The following CLEC16A variants were observed in gnomAD, a reference collection of about 807,000 sequenced individuals.
CLEC16A encodes the protein C-type lectin domain containing 16A.
CLEC16A carries 51 observed loss-of-function variants against 109.5 expected under a neutral mutation model. That is an observed-to-expected ratio of 0.47 (90% CI 0.37 to 0.59). The LOEUF is 0.59. Among genes scored for constraint, CLEC16A ranks in the 20% least tolerant of loss-of-function variants. The pLI, the probability that CLEC16A is intolerant of heterozygous loss-of-function variation, is 0.00. For synonymous variants in CLEC16A, 673 were observed against 564.2 expected, an observed-to-expected ratio of 1.19 and a Z score of -2.73; for missense variants, 1,339 against 1,394.0, an observed-to-expected ratio of 0.96 and a Z score of 0.63.
chr16:10,962,563 G>C lies in CLEC16A; in HGVS notation c.318G>C (p.Glu106Asp). 6.2e-7 allele frequency: 1 copy of C among 1,613,880 alleles called. No homozygotes were observed. Among genetic ancestry groups the C allele is most frequent in the Non-Finnish European group, 8.5e-7 (1 of 1,179,844 alleles). The change falls in exon 3 of 24, where the codon GAG (glutamate) becomes GAC (aspartate). Residue 106 changes from glutamate (E) to aspartate (D), a missense_variant. Glu to Asp is a conservative substitution (Grantham distance 45). This residue lies in a region of CLEC16A where 161 missense variants were observed against 267.1 expected (regional missense o/e 0.60). Transcript: ENST00000409790. ...TGCAGACCTTGAACATCCTCTTTGA[G>C]AACATCAGTCACGAGACCTCACTTT... ...QLLQTLNILF[E>D]NISHETSLYY...
chr16:11,163,609 C>G (rs1035130253), intron 22 of CLEC16A, among the ~76,000 whole-genome samples: 2 of 152,248 alleles, frequency 1.3e-5, no homozygotes, highest in African/African-American at 2.4e-5. Flanking sequence ...AGCTTCTCAT[C>G]TGCTACCCTA....
chr16:10,960,490 A>C (rs1376712532), intron 2 of CLEC16A, among the ~76,000 whole-genome samples: 2 of 152,188 alleles, frequency 1.3e-5, no homozygotes, highest in African/African-American at 2.4e-5. Flanking sequence ...CATCATCACA[A>C]GGCATTCACA....
chr16:11,150,948 G>A lies in CLEC16A; in HGVS notation c.2642-15440G>A, dbSNP rs1490566317. 3.3e-5 allele frequency among the ~76,000 whole-genome samples: 5 copies of A among 152,226 alleles called. No individual in the cohort carries two copies. In the East Asian group the frequency reaches 5.8e-4, roughly 18 times the overall value. On this transcript the variant is annotated intron_variant, in intron 22 of 23. Coordinates refer to ENST00000409790, the MANE Select transcript of CLEC16A (RefSeq NM_015226.3). ...ATGTTCTACCTGTGTGAAAATCTGC[G>A]TCCAAATTTTCATTTTTTAGGAGGC...
chr16:10,945,008 G>C (rs1323450553), intron 1 of CLEC16A, among the ~76,000 whole-genome samples: 2 of 152,162 alleles, frequency 1.3e-5, no homozygotes, highest in Non-Finnish European at 2.9e-5. Flanking sequence ...TGGACAAGTC[G>C]CTTAATTTCT....
intron 19 of CLEC16A, among the ~76,000 whole-genome samples, chr16:11,088,659 C>T (rs781340560): frequency 2.0e-5 from 3 of 152,122 alleles, no homozygotes; most frequent in Admixed American, 6.5e-5. Flanking sequence ...CTGTGATGTG[C>T]GGCTAGAGGC....
chr16:10,969,454 C>T (rs2042674095), intron 4 of CLEC16A, 145 bp downstream of exon 4: 5 of 569,920 alleles, frequency 8.8e-6, no homozygotes, highest in Non-Finnish European at 1.4e-5. Context: ...CATGGCAACA[C>T]TTTTGACTTT....
chr16:10,999,883 C>T (rs2044562343), intron 10 of CLEC16A, among the ~76,000 whole-genome samples: 1 of 152,226 alleles, frequency 6.6e-6, no homozygotes, highest in African/African-American at 2.4e-5. Context: ...TGTGCCCAGG[C>T]TGGAGTGCGG....
intron 12 of CLEC16A, chr16:11,024,619 G>T: frequency 2.0e-6 from 1 of 508,330 alleles, no homozygotes; most frequent in Non-Finnish European, 3.6e-6. Flanking sequence ...CCTTGGTCAG[G>T]TTCCCCTCTG....
chr16:11,120,905 T>G (rs2052362213), intron 20 of CLEC16A, 139 bp downstream of exon 20: 4 of 957,400 alleles, frequency 4.2e-6, no homozygotes, highest in Admixed American at 4.2e-5. Context: ...GTGAACAAAT[T>G]GTCACCCAAA....
At chr16:10,982,649 C>A (rs1254464764) in intron 9 of CLEC16A, among the ~76,000 whole-genome samples, 1 of 152,138 alleles carries the variant, frequency 6.6e-6, no homozygotes, top group Admixed American at 6.6e-5. Context: ...CACTTCCTTC[C>A]GAGGAAGAGC....
rs531789722 is a variant in CLEC16A at position 11,180,927 on chromosome 16, C to T, written c.*2237C>T. ...GGGAGGACCAGCGGAGGATAAAAGA[C>T]ACTGCTCAGGGCAGGGCTTCTACCC... On this transcript the variant is annotated 3_prime_UTR_variant, in exon 24 of 24. Transcript: ENST00000409790. The T allele has an allele frequency of 6.5e-6, 1 of 152,720 alleles. No individual in the cohort carries two copies. Among genetic ancestry groups the T allele is most frequent in the East Asian group, 1.9e-4 (1 of 5,194 alleles). 9.5% of individuals were successfully genotyped at this position (152,720 alleles called of 1,614,324 possible). A position where few individuals can be genotyped will look rare whatever the true frequency, so the allele number is the denominator to read the frequency against.
intron 4 of CLEC16A, among the ~76,000 whole-genome samples, chr16:10,970,156 G>A (rs536783952): frequency 9.8e-5 from 15 of 152,314 alleles, no homozygotes; most frequent in East Asian, 1.9e-4. Flanking sequence ...CAGTATCAGC[G>A]AGGACCCAGG....
chr16:10,975,932 A>G (rs1452201266), intron 7 of CLEC16A, among the ~76,000 whole-genome samples: 3 of 152,138 alleles, frequency 2.0e-5, no homozygotes, highest in Non-Finnish European at 4.4e-5. Flanking sequence ...GATTACAGAC[A>G]TGAGCCACTG....
chr16:10,971,307 C>G, intron 5 of CLEC16A, 77 bp downstream of exon 5: 1 of 1,071,276 alleles, frequency 9.3e-7, no homozygotes. Context: ...TGTGTGCGTA[C>G]AGTTCTCCGA....
chr16:11,170,210 C>G (rs560695185), intron 23 of CLEC16A, among the ~76,000 whole-genome samples: 2 of 152,170 alleles, frequency 1.3e-5, no homozygotes, highest in Non-Finnish European at 2.9e-5. Flanking sequence ...CGTGGCTGCT[C>G]TAGGGCCCAA....
chr16:11,165,505 G>A (rs910583473), intron 22 of CLEC16A, among the ~76,000 whole-genome samples: 3 of 152,072 alleles, frequency 2.0e-5, no homozygotes, highest in Non-Finnish European at 4.4e-5. Context: ...AAAACATAAA[G>A]AACAAACATG....
intron 22 of CLEC16A, among the ~76,000 whole-genome samples, chr16:11,137,437 A>G (rs1360544125): frequency 6.6e-6 from 1 of 152,096 alleles, no homozygotes; most frequent in Non-Finnish European, 1.5e-5. Flanking sequence ...CTTCCCAAGA[A>G]TTAGAGTGCC....
intron 19 of CLEC16A, among the ~76,000 whole-genome samples, chr16:11,074,556 C>A (rs1187230217): frequency 6.6e-6 from 1 of 152,100 alleles, no homozygotes; most frequent in Non-Finnish European, 1.5e-5. Context: ...TCTGCTGGAC[C>A]TATTTTTTTT....
intron 10 of CLEC16A, among the ~76,000 whole-genome samples, chr16:10,990,875 C>T (rs1166613459): frequency 6.6e-6 from 1 of 152,184 alleles, no homozygotes; most frequent in East Asian, 1.9e-4. Flanking sequence ...TCCCCTGTGG[C>T]ATTGTTAGTT....
Sources: gnomAD v4.1 joint callset for allele counts (sites outside exome capture counted in the v4.1 genomes callset) on GRCh38, gnomAD v4.1.1 for gene constraint, gnomAD v4.1.1 regional missense constraint, MANE v1.5 for transcripts, NCBI Gene and HGNC (gene_info 2026-07-23, HGNC 2026-07-21) for gene names.